The following SPSB3 variants were observed in gnomAD, a reference collection of about 807,000 sequenced individuals.
SPSB3 encodes SPRY domain-containing SOCS box protein 3.
Under a neutral mutation model 29.5 loss-of-function variants are expected in SPSB3, and 18 were observed. The observed-to-expected ratio is 0.61, with a 90% confidence interval of 0.42 to 0.91. The LOEUF (loss-of-function observed/expected upper bound fraction) is 0.91, where lower values mean the gene tolerates loss of function less well. Ranked by LOEUF, SPSB3 falls within the 40% of genes least tolerant of loss-of-function variation. The pLI, the probability that SPSB3 is intolerant of heterozygous loss-of-function variation, is 0.00. For missense variants in SPSB3, 540 were observed against 507.5 expected (o/e 1.06, Z -0.61); for synonymous variants, 299 against 214.1 (o/e 1.40, Z -3.46).
chr16:1,777,727 A>C lies in SPSB3; in HGVS notation c.721+20T>G. On this transcript the variant is annotated intron_variant, in intron 6 of 6. Transcript: ENST00000566339. ...TCGGGGTGACAGCTGAGAGGAGCTC[A>C]AGTCCTGTGACGGCCTCACCTATAC... 4 of 1,610,298 alleles carry C rather than the reference A, an allele frequency of 2.5e-6. No individual in the cohort carries two copies. Among genetic ancestry groups the C allele is most frequent in the Non-Finnish European group, 3.4e-6 (4 of 1,178,760 alleles).
In SPSB3 at chr16:1,777,766, G is replaced by A; in HGVS notation, c.702C>T (p.Phe234=). 1.2e-6 allele frequency: 2 copies of A among 1,612,658 alleles called. No individual in the cohort carries two copies. The highest frequency in any genetic ancestry group is 1.1e-5 in the South Asian group (1 of 91,044). ...LDTWHGTLTF[F]KNRKCIGVAA... is the part of the protein sequence containing the mutation. ...CCTCACCTATACACTTCCTGTTCTT[G>A]AAAAAGGTGAGTGTGCCGTGCCAGG... The change falls in exon 6 of 7, where the codon TTC becomes TTT. Residue 234 remains phenylalanine (F), a synonymous_variant. Coordinates refer to ENST00000566339, the MANE Select transcript of SPSB3 (RefSeq NM_080861.4).
chr16:1,777,457 GCCCAGCCTGAAC>G lies in SPSB3; in HGVS notation c.722-26_722-15del, dbSNP rs1299608354. ...TGGCTGCCACACCTGGAAGGGAGGG[GCCCAGCCTGAAC>G]CCCAGGCAGGGAAGGGGCCAGCTAC... On this transcript the variant is annotated splice_polypyrimidine_tract_variant and intron_variant, in intron 6 of 6. Transcript: ENST00000566339. 7.4e-6 allele frequency: 11 copies of G among 1,488,336 alleles called. No homozygotes were observed. The highest frequency in any genetic ancestry group is 9.8e-6 in the Non-Finnish European group (11 of 1,120,104). 92.2% of individuals were successfully genotyped at this position (1,488,336 alleles called of 1,614,324 possible). A position where few individuals can be genotyped will look rare whatever the true frequency, so the allele number is the denominator to read the frequency against.
At position 1,778,158 on chromosome 16, in the gene SPSB3, G is replaced by A. The variant is rs746719041; in HGVS notation, c.468C>T (p.Thr156=). ...CCATGTCGGTGCCGTAGACGGGAGAGGTCATCTTGATCTCCCAGAAGTGCT... is the reference window on the plus strand; with the variant it reads ...CCATGTCGGTGCCGTAGACGGGAGAAGTCATCTTGATCTCCCAGAAGTGCT... ...EGQHFWEIKM[T]SPVYGTDMMV... is the part of the protein sequence containing the mutation. Residue 156 remains threonine, a synonymous_variant, in exon 4 of 7, where the codon ACC becomes ACT. Transcript: ENST00000566339. The A allele has an allele frequency of 3.7e-6, 6 of 1,612,720 alleles. No homozygotes were observed. In the African/African-American group the frequency reaches 6.7e-5, roughly 18 times the overall value.
rs529471695 is a variant in SPSB3 at position 1,778,753 on chromosome 16, C to T, written c.127-141G>A. 1,780 of 909,754 alleles carry T rather than the reference C, an allele frequency of 2.0e-3. 4 individuals are homozygous for T. Among genetic ancestry groups the T allele is most frequent in the Non-Finnish European group, 2.5e-3 (1,589 of 628,990 alleles). 56.4% of individuals were successfully genotyped at this position (909,754 alleles called of 1,614,324 possible). On this transcript the variant is annotated intron_variant, in intron 2 of 6. Transcript: ENST00000566339. ...GGCCTCCAGGGACTTCACAGTACCC[C>T]GAGCGCACAGCCCAGGCTCCCTCCC...
chr16:1,778,550 C>G lies in SPSB3; in HGVS notation c.189G>C (p.Val63=). 6.2e-7 allele frequency: 1 copy of G among 1,607,080 alleles called. No homozygotes were observed. The highest frequency in any genetic ancestry group is 8.5e-7 in the Non-Finnish European group (1 of 1,176,054). Residue 63 remains valine, a synonymous_variant, in exon 3 of 7, where the codon GTG becomes GTC. Transcript: ENST00000566339. ...CACAGAAGGACTCGCCGGTCACGGGCACCGCACTGGGGATGGATGGCGGCA... is the reference window on the plus strand; with the variant it reads ...CACAGAAGGACTCGCCGGTCACGGGGACCGCACTGGGGATGGATGGCGGCA... ...STLPPSIPSA[V]PVTGESFCDC... is the part of the protein sequence containing the mutation.
chr16:1,778,723 G>T, intron 2 of SPSB3, 111 bp from the exon 3 acceptor site: 1 of 1,254,868 alleles, frequency 8.0e-7, no homozygotes, highest in Non-Finnish European at 1.1e-6. Flanking sequence ...AAGGATGGGG[G>T]TCCAGGCCTC....
chr16:1,780,578 C>T (rs932423574), intron 2 of SPSB3: 5 of 153,102 alleles, frequency 3.3e-5, no homozygotes, highest in South Asian at 2.0e-4. Context: ...TTTTTACCTT[C>T]AAGGATCAGG....
At position 1,777,243 on chromosome 16, in the gene SPSB3, C is replaced by A; in HGVS notation, c.922G>T (p.Val308Leu). ...GLPLPPGLKQ[V>L]LHNKLGWVLS... ...ACCCAGCCCAGCTTGTTGTGTAGCA[C>A]CTGCTTGAGGCCCGGCGGCAGCGGC... The change falls in exon 7 of 7, where the codon GTG becomes TTG. Residue 308 changes from valine (V) to leucine (L), a missense_variant. Physicochemically the swap from Val to Leu is conservative, Grantham distance 32 (BLOSUM62 1). Coordinates refer to ENST00000566339, the MANE Select transcript of SPSB3 (RefSeq NM_080861.4). The A allele has an allele frequency of 6.2e-7, 1 of 1,610,848 alleles. No individual in the cohort carries two copies. Among genetic ancestry groups the A allele is most frequent in the Non-Finnish European group, 8.5e-7 (1 of 1,179,850 alleles).
intron 6 of SPSB3, 29 bp from the exon 7 acceptor site, chr16:1,777,472 C>T (rs764227337): frequency 6.8e-7 from 1 of 1,468,254 alleles, no homozygotes; most frequent in Non-Finnish European, 9.0e-7. Flanking sequence ...GCCTGAACCC[C>T]AGGCAGGGAA....
Position 1,776,992 on chromosome 16 carries a change from A to G in SPSB3, c.*105T>C, listed in dbSNP as rs1234599395. On this transcript the variant is annotated 3_prime_UTR_variant, in exon 7 of 7. Coordinates refer to ENST00000566339, the MANE Select transcript of SPSB3 (RefSeq NM_080861.4). ...AGATGGCTCCCTCCGGACGGGCCTC[A>G]TCCAACTCCGCCCTGGAGTGTGGCT... 8.0e-6 allele frequency: 11 copies of G among 1,366,476 alleles called. No homozygotes were observed. The highest frequency in any genetic ancestry group is 1.1e-5 in the Non-Finnish European group (11 of 1,002,566). The allele number at this position is 1,366,476 out of a possible 1,614,324, so 84.6% of individuals were successfully genotyped here. A position where few individuals can be genotyped will look rare whatever the true frequency, so the allele number is the denominator to read the frequency against.
rs1262031869 is a variant in SPSB3 at position 1,777,101 on chromosome 16, G to C, written c.1064C>G (p.Thr355Ser). 3 of 1,610,772 alleles carry C rather than the reference G, an allele frequency of 1.9e-6. No homozygotes were observed. The highest frequency in any genetic ancestry group is 8.5e-7 in the Non-Finnish European group (1 of 1,178,854). ...RPCQRKRCRR[T>S] ...GCAGTTCCACTGGGAAGTCAGTCAGGTCCGGCGGCAGCGCTTCCTCTGGCA... is the reference window on the plus strand; with the variant it reads ...GCAGTTCCACTGGGAAGTCAGTCAGCTCCGGCGGCAGCGCTTCCTCTGGCA... The change falls in exon 7 of 7, where the codon ACC (threonine) becomes AGC (serine). Residue 355 changes from threonine (T) to serine (S), a missense_variant. Transcript: ENST00000566339.
chr16:1,778,073 G>A (rs753180296), intron 4 of SPSB3, 25 bp from the exon 5 acceptor site: 3 of 1,613,060 alleles, frequency 1.9e-6, no homozygotes, highest in East Asian at 2.2e-5. Flanking sequence ...CAGGCAGAGG[G>A]CGCGGGGCTG....
chr16:1,777,349 G>T lies in SPSB3; in HGVS notation c.816C>A (p.Ala272=). Reference sequence around the variant, plus strand: ...ACAGGTACTGGAGGGAAGTGGCGCTGGCACAGGAGCGGGTGACCTTCATGC... The same window carrying T: ...ACAGGTACTGGAGGGAAGTGGCGCTTGCACAGGAGCGGGTGACCTTCATGC... The part of the protein sequence containing the change: ...RSSMKVTRSC[A]SATSLQYLCC... The change falls in exon 7 of 7, where the codon GCC becomes GCA. Residue 272 remains alanine, a synonymous_variant. Coordinates refer to ENST00000566339, the MANE Select transcript of SPSB3 (RefSeq NM_080861.4). The T allele has an allele frequency of 6.2e-7, 1 of 1,607,466 alleles. No homozygotes were observed.
In SPSB3 at chr16:1,781,377, C is replaced by G. The variant is rs754935596; in HGVS notation, c.107G>C (p.Gly36Ala). 3.7e-6 allele frequency: 6 copies of G among 1,612,916 alleles called. No individual in the cohort carries two copies. Among genetic ancestry groups the G allele is most frequent in the Non-Finnish European group, 5.1e-6 (6 of 1,180,014 alleles). ...ACCTACCTGCCCATCAGAGTCGTAG[C>G]CCCAGTTAGTGGAGCCTGCTAGAGC... ...AVALAGSTNW[G>A]YDSDGQHSDS... The change falls in exon 2 of 7, where the codon GGC becomes GCC. Residue 36 changes from glycine to alanine, a missense_variant. By Grantham distance (60) the Gly-to-Ala change is moderately conservative. Transcript: ENST00000566339.
chr16:1,778,633 G>T, intron 2 of SPSB3, 21 bp from the exon 3 acceptor site: 4 of 1,528,290 alleles, frequency 2.6e-6, no homozygotes, highest in Non-Finnish European at 3.5e-6. Flanking sequence ...AGGGCCGGCT[G>T]TTACTACCTG....
intron 2 of SPSB3, chr16:1,781,154 G>A: frequency 6.6e-6 from 10 of 1,525,644 alleles, no homozygotes; most frequent in Non-Finnish European, 8.8e-6. Context: ...TGTCACCCCT[G>A]AGGCTGTGTG....
Position 1,777,935 on chromosome 16 carries a change from G to A in SPSB3, c.595+11C>T. The A allele has an allele frequency of 6.2e-7, 1 of 1,612,458 alleles. No individual in the cohort carries two copies. The highest frequency in any genetic ancestry group is 1.3e-5 in the African/African-American group (1 of 75,042). On this transcript the variant is annotated intron_variant, in intron 5 of 6. Coordinates refer to ENST00000566339, the MANE Select transcript of SPSB3 (RefSeq NM_080861.4). ...CAGGCTCGGCCCCGCCCCACCCTGGGCCTCACGCACCCGTGTAGGAGAGGC... is the reference window on the plus strand; with the variant it reads ...CAGGCTCGGCCCCGCCCCACCCTGGACCTCACGCACCCGTGTAGGAGAGGC...
At position 1,776,991 on chromosome 16, in the gene SPSB3, C is replaced by T. The variant is rs932343562; in HGVS notation, c.*106G>A. ...GAGATGGCTCCCTCCGGACGGGCCTCATCCAACTCCGCCCTGGAGTGTGGC... is the reference window on the plus strand; with the variant it reads ...GAGATGGCTCCCTCCGGACGGGCCTTATCCAACTCCGCCCTGGAGTGTGGC... On this transcript the variant is annotated 3_prime_UTR_variant, in exon 7 of 7. Transcript: ENST00000566339. 3 of 1,343,366 alleles carry T rather than the reference C, an allele frequency of 2.2e-6. No homozygotes were observed. The highest frequency in any genetic ancestry group is 2.9e-5 in the African/African-American group (2 of 68,878). 83.2% of individuals were successfully genotyped at this position (1,343,366 alleles called of 1,614,324 possible).
chr16:1,777,932 T>G lies in SPSB3; in HGVS notation c.595+14A>C. 1 of 1,612,274 alleles carries G rather than the reference T, an allele frequency of 6.2e-7. No homozygotes were observed. Among genetic ancestry groups the G allele is most frequent in the Non-Finnish European group, 8.5e-7 (1 of 1,179,758 alleles). On this transcript the variant is annotated intron_variant, in intron 5 of 6. Transcript: ENST00000566339. ...CTCCAGGCTCGGCCCCGCCCCACCC[T>G]GGGCCTCACGCACCCGTGTAGGAGA...
Sources: allele counts gnomAD v4.1 joint callset, GRCh38; gene constraint gnomAD v4.1.1; transcripts MANE v1.5; gene names NCBI Gene and HGNC (gene_info 2026-07-23, HGNC 2026-07-21).